GNG11: variants seen among roughly 807,000 people sequenced by gnomAD.
GNG11 encodes the protein guanine nucleotide-binding protein G(I)/G(S)/G(O) subunit gamma-11.
Under a neutral mutation model 7.4 loss-of-function variants are expected in GNG11, and 6 were observed. That is an observed-to-expected ratio of 0.81 (90% CI 0.44 to 1.60). The LOEUF is 1.60. GNG11 is among the 40% of genes most tolerant of loss of function. The pLI, the probability that GNG11 is intolerant of heterozygous loss-of-function variation, is 0.01. For missense variants in GNG11, 65 were observed against 83.0 expected (o/e 0.78, Z 0.84); for synonymous variants, 31 against 25.9 (o/e 1.20, Z -0.60).
intron 1 of GNG11, among the ~76,000 whole-genome samples, chr7:93,923,453 G>A (rs1439961976): frequency 1.3e-5 from 2 of 152,282 alleles, no homozygotes; most frequent in East Asian, 1.9e-4. Context: ...GGAAAAAAAG[G>A]AAGTTACACT....
intron 1 of GNG11, among the ~76,000 whole-genome samples, chr7:93,925,021 A>G (rs946515148): frequency 1.2e-4 from 19 of 152,170 alleles, no homozygotes; most frequent in South Asian, 4.2e-4. Flanking sequence ...AAAATTAGCC[A>G]GGCGTGGTGG....
At chr7:93,922,614 T>C (rs548622830) in intron 1 of GNG11, among the ~76,000 whole-genome samples, 17 of 152,322 alleles carry the variant, frequency 1.1e-4, no homozygotes, top group Non-Finnish European at 2.2e-4. Flanking sequence ...TTGAAAGAAA[T>C]TTTCTAAAAC....
chr7:93,924,861 C>G (rs1392692853), intron 1 of GNG11, among the ~76,000 whole-genome samples: 2 of 152,198 alleles, frequency 1.3e-5, no homozygotes, highest in Admixed American at 6.5e-5. Flanking sequence ...TTTCATAGGT[C>G]TCCATTTAAA....
chr7:93,922,116 C>A lies in GNG11; in HGVS notation c.-22C>A, dbSNP rs4262. On this transcript the variant is annotated 5_prime_UTR_variant, in exon 1 of 2. Coordinates refer to ENST00000248564, the MANE Select transcript of GNG11 (RefSeq NM_004126.4). Reference sequence around the variant, plus strand: ...AGCGGCTCCGCTGCCAGAGCTAGCCCGAGCCCGGTTCTGGGGCGAAAATGC... The same window carrying A: ...AGCGGCTCCGCTGCCAGAGCTAGCCAGAGCCCGGTTCTGGGGCGAAAATGC... The A allele has an allele frequency of 6.6e-7, 1 of 1,518,108 alleles. No homozygotes were observed. Among genetic ancestry groups the A allele is most frequent in the Non-Finnish European group, 9.0e-7 (1 of 1,106,164 alleles). The allele number at this position is 1,518,108 out of a possible 1,614,324, so 94.0% of individuals were successfully genotyped here. A position where few individuals can be genotyped will look rare whatever the true frequency, so the allele number is the denominator to read the frequency against.
chr7:93,925,117 TCC>T (rs1437450099), intron 1 of GNG11, among the ~76,000 whole-genome samples: 2 of 152,140 alleles, frequency 1.3e-5, no homozygotes, highest in African/African-American at 4.8e-5. Context: ...TGAGCCGAGA[TCC>T]TGCCACTGCA....
chr7:93,923,469 A>G (rs535566655), intron 1 of GNG11, among the ~76,000 whole-genome samples: 3 of 152,336 alleles, frequency 2.0e-5, no homozygotes, highest in Non-Finnish European at 2.9e-5. Flanking sequence ...ACACTACCCA[A>G]TCAATAAGCA....
At chr7:93,922,495 A>C (rs779267566) in intron 1 of GNG11, among the ~76,000 whole-genome samples, 2 of 152,186 alleles carry the variant, frequency 1.3e-5, no homozygotes, top group African/African-American at 4.8e-5. Flanking sequence ...GAAAATAGAC[A>C]AGAAATCTTG....
In GNG11 at chr7:93,926,275, A is replaced by G. The variant is rs1584101769; in HGVS notation, c.*59A>G. On this transcript the variant is annotated 3_prime_UTR_variant, in exon 2 of 2. Transcript: ENST00000248564. Reference sequence around the variant, plus strand: ...AACTAGTTTGTTTTAGTTTTCCCAGATAAAACCAACATGCTTTTTAAGGAA... The same window carrying G: ...AACTAGTTTGTTTTAGTTTTCCCAGGTAAAACCAACATGCTTTTTAAGGAA... 1.5e-6 allele frequency: 2 copies of G among 1,330,422 alleles called. No individual in the cohort carries two copies. Among genetic ancestry groups the G allele is most frequent in the Non-Finnish European group, 2.1e-6 (2 of 972,464 alleles). The allele number at this position is 1,330,422 out of a possible 1,614,324, so 82.4% of individuals were successfully genotyped here.
At position 93,923,140 on chromosome 7, in the gene GNG11, A is replaced by C. The variant is rs559941516; in HGVS notation, c.96+907A>C. 1.1e-4 allele frequency among the ~76,000 whole-genome samples: 16 copies of C among 152,308 alleles called. 2 individuals are homozygous for C. Among genetic ancestry groups the C allele is most frequent in the Admixed American group, 2.6e-4 (4 of 15,306 alleles). ...TTCCTCTTCAGCAAGAAAATTTTGAACTGATCTTATTTATTATGGTTTAGC... is the reference window on the plus strand; with the variant it reads ...TTCCTCTTCAGCAAGAAAATTTTGACCTGATCTTATTTATTATGGTTTAGC... On this transcript the variant is annotated intron_variant, in intron 1 of 1. Coordinates refer to ENST00000248564, the MANE Select transcript of GNG11 (RefSeq NM_004126.4).
In GNG11 at chr7:93,927,422, C is replaced by T. The variant is rs1162851927; in HGVS notation, c.*1206C>T. On this transcript the variant is annotated 3_prime_UTR_variant, in exon 2 of 2. Transcript: ENST00000248564. Reference sequence around the variant, plus strand: ...GAGCATTCTCCCGCTTCTTCTCCGTCTTTTGGGTCAAAATTGCTCCAAGTT... The same window carrying T: ...GAGCATTCTCCCGCTTCTTCTCCGTTTTTTGGGTCAAAATTGCTCCAAGTT... The T allele has an allele frequency of 2.0e-5, 3 of 152,202 alleles. No individual in the cohort carries two copies. Among genetic ancestry groups the T allele is most frequent in the Non-Finnish European group, 2.9e-5 (2 of 68,048 alleles). 9.4% of individuals were successfully genotyped at this position (152,202 alleles called of 1,614,324 possible). A position where few individuals can be genotyped will look rare whatever the true frequency, so the allele number is the denominator to read the frequency against.
At chr7:93,925,606 A>T (rs1794666756) in intron 1 of GNG11, among the ~76,000 whole-genome samples, 1 of 152,198 alleles carries the variant, frequency 6.6e-6, no homozygotes, top group African/African-American at 2.4e-5. Flanking sequence ...CATAAGTGAG[A>T]ATCGTGGCAT....
At chr7:93,924,057 G>C (rs1444034441) in intron 1 of GNG11, among the ~76,000 whole-genome samples, 1 of 152,064 alleles carries the variant, frequency 6.6e-6, no homozygotes, top group Non-Finnish European at 1.5e-5. Flanking sequence ...AGGCTAACTA[G>C]CTCCACATTT....
rs1438227472 is a variant in GNG11 at position 93,921,963 on chromosome 7, C to T, written c.-175C>T. ...AGCTGGGGCACGCTGGCGTGACAAG[C>T]GTCCCGGAGAAAGCCAAGCCCTCGG... is the stretch of plus-strand genomic sequence containing the variant. On this transcript the variant is annotated 5_prime_UTR_variant, in exon 1 of 2. Coordinates refer to ENST00000248564, the MANE Select transcript of GNG11 (RefSeq NM_004126.4). 2.1e-6 allele frequency: 1 copy of T among 472,848 alleles called. No individual in the cohort carries two copies. Among genetic ancestry groups the T allele is most frequent in the Non-Finnish European group, 3.9e-6 (1 of 257,582 alleles). The allele number at this position is 472,848 out of a possible 1,614,324, so 29.3% of individuals were successfully genotyped here.
chr7:93,925,946 TAC>T (rs142887945), intron 1 of GNG11, 143 bp from the exon 2 acceptor site: 5,739 of 263,726 alleles, frequency 0.022, 321 homozygotes, highest in African/African-American at 0.12. Context: ...ATATAATATA[TAC>T]ACACACACAT....
Position 93,927,678 on chromosome 7 carries a change from C to T in GNG11, c.*1462C>T, listed in dbSNP as rs1794696132. On this transcript the variant is annotated 3_prime_UTR_variant, in exon 2 of 2. Transcript: ENST00000248564. Reference sequence around the variant, plus strand: ...ATATCAGCATCCTCGTTCTGAAATTCCTTTCCTTTCCCTCTCTGGGAAAGA... The same window carrying T: ...ATATCAGCATCCTCGTTCTGAAATTTCTTTCCTTTCCCTCTCTGGGAAAGA... The T allele has an allele frequency of 6.6e-6, 1 of 152,154 alleles. No homozygotes were observed. The highest frequency in any genetic ancestry group is 2.1e-4 in the South Asian group (1 of 4,830). The allele number at this position is 152,154 out of a possible 1,614,324, so 9.4% of individuals were successfully genotyped here.
chr7:93,922,779 T>C (rs1264057361), intron 1 of GNG11, among the ~76,000 whole-genome samples: 1 of 152,242 alleles, frequency 6.6e-6, no homozygotes, highest in Non-Finnish European at 1.5e-5. Flanking sequence ...TTTCACTTTA[T>C]GTTTTATTAG....
Position 93,927,952 on chromosome 7 carries a change from A to C in GNG11, c.*1736A>C, listed in dbSNP as rs562342769. On this transcript the variant is annotated 3_prime_UTR_variant, in exon 2 of 2. Coordinates refer to ENST00000248564, the MANE Select transcript of GNG11 (RefSeq NM_004126.4). ...GAACTATTAGTACTATTAGTCATTT[A>C]ACATTTAACATGGCATGGGATTTTA... is the stretch of plus-strand genomic sequence containing the variant. The C allele has an allele frequency of 2.3e-4, 35 of 152,310 alleles. No homozygotes were observed. Among genetic ancestry groups the C allele is most frequent in the African/African-American group, 8.2e-4 (34 of 41,560 alleles). 9.4% of individuals were successfully genotyped at this position (152,310 alleles called of 1,614,324 possible).
At chr7:93,923,027 C>T (rs1211268616) in intron 1 of GNG11, among the ~76,000 whole-genome samples, 1 of 152,206 alleles carries the variant, frequency 6.6e-6, no homozygotes, top group Admixed American at 6.5e-5. Flanking sequence ...CCTTCAGACA[C>T]TAATCCCTCT....
rs1794688189 is a variant in GNG11 at position 93,927,037 on chromosome 7, T to A, written c.*821T>A. 1.3e-5 allele frequency: 2 copies of A among 152,290 alleles called. No individual in the cohort carries two copies. Among genetic ancestry groups the A allele is most frequent in the African/African-American group, 4.8e-5 (2 of 41,466 alleles). 9.4% of individuals were successfully genotyped at this position (152,290 alleles called of 1,614,324 possible). A position where few individuals can be genotyped will look rare whatever the true frequency, so the allele number is the denominator to read the frequency against. ...CACTACTCCAGTTCTGTGGCATTGG[T>A]GCAGACACTTGGACCTCTGCACTCA... is the stretch of plus-strand genomic sequence containing the variant. On this transcript the variant is annotated 3_prime_UTR_variant, in exon 2 of 2. Coordinates refer to ENST00000248564, the MANE Select transcript of GNG11 (RefSeq NM_004126.4).
Sources: gnomAD v4.1 joint callset for allele counts (sites outside exome capture counted in the v4.1 genomes callset) on GRCh38, gnomAD v4.1.1 for gene constraint, MANE v1.5 for transcripts, NCBI Gene and HGNC (gene_info 2026-07-23, HGNC 2026-07-21) for gene names.